The following TATDN3 variants were observed in gnomAD, a reference collection of about 807,000 sequenced individuals.
TATDN3 encodes the protein TatD DNase domain containing 3.
In TATDN3, 29 loss-of-function variants were observed where a neutral mutation model predicts 40.1. The ratio of observed to expected loss-of-function variants is 0.72; its 90% CI spans 0.54 to 0.99. The LOEUF (loss-of-function observed/expected upper bound fraction) is 0.99. Among genes scored for constraint, TATDN3 ranks in the 50% least tolerant of loss-of-function variants. The probability of loss-of-function intolerance (pLI) is 0.00; values close to 1 mark genes in which losing one functional copy is unlikely to be tolerated. For synonymous variants in TATDN3, 105 were observed against 117.0 expected (o/e 0.90, Z 0.66); for missense variants, 309 against 321.9 (o/e 0.96, Z 0.31).
intron 8 of TATDN3, among the ~76,000 whole-genome samples, chr1:212,809,345 AC>A (rs1330730259): frequency 6.6e-6 from 1 of 152,216 alleles, no homozygotes. Flanking sequence ...TGGATTGTGT[AC>A]TTTTAAAGAG....
In TATDN3 at chr1:212,807,224, C is replaced by T. The variant is rs1012005073; in HGVS notation, c.488-512C>T. Among the ~76,000 whole-genome samples the T allele has an allele frequency of 5.9e-5, 9 of 151,790 alleles. No individual in the cohort carries two copies. The South Asian group carries it at 1.0e-3, about 18-fold the overall frequency. ...CCTCCCAAAGTGCTGGGATTACAGACGTGAGCCACTGCGCCCGGACTATAT... is the reference window on the plus strand; with the variant it reads ...CCTCCCAAAGTGCTGGGATTACAGATGTGAGCCACTGCGCCCGGACTATAT... On this transcript the variant is annotated intron_variant, in intron 7 of 9. Coordinates refer to ENST00000366974, the MANE Select transcript of TATDN3 (RefSeq NM_001042552.3).
At chr1:212,811,682 T>C (rs1405533827) in intron 8 of TATDN3, among the ~76,000 whole-genome samples, 1 of 151,212 alleles carries the variant, frequency 6.6e-6, no homozygotes, top group Non-Finnish European at 1.5e-5. Flanking sequence ...AATTTTTGTA[T>C]TTGTATTTTT....
chr1:212,811,575 T>C (rs1662878649), intron 8 of TATDN3, among the ~76,000 whole-genome samples: 1 of 151,930 alleles, frequency 6.6e-6, no homozygotes, highest in Admixed American at 6.6e-5. Flanking sequence ...ATCAGTTGAA[T>C]AGTAAAAAAT....
chr1:212,796,607 A>G lies in TATDN3; in HGVS notation c.173+17A>G. The G allele has an allele frequency of 6.5e-7, 1 of 1,531,310 alleles. No homozygotes were observed. The highest frequency in any genetic ancestry group is 8.8e-7 in the Non-Finnish European group (1 of 1,135,658). The allele number at this position is 1,531,310 out of a possible 1,614,324, so 94.9% of individuals were successfully genotyped here. On this transcript the variant is annotated intron_variant, in intron 3 of 9. Transcript: ENST00000366974. ...TTCAGAAAGGTGCTACTTTTAATTA[A>G]GATTTTAAAGGGTTGCTAATAAGAA...
intron 7 of TATDN3, among the ~76,000 whole-genome samples, chr1:212,806,837 C>CATATATACACAGATATACAT (rs1662547894): frequency 1.9e-5 from 1 of 51,370 alleles, no homozygotes; most frequent in Non-Finnish European, 4.1e-5. Context: ...CATATATATA[C>CATATATACACAGATATACAT]ATATATACAC....
chr1:212,803,741 G>GA (rs35533640), intron 5 of TATDN3, among the ~76,000 whole-genome samples: 1,950 of 132,872 alleles, frequency 0.015, 21 homozygotes, highest in Non-Finnish European at 0.022. Flanking sequence ...GTACCAAAAA[G>GA]AAAAAAAAAA....
At position 212,806,827 on chromosome 1, in the gene TATDN3, CATATATAT is replaced by C. The variant is rs1388610658; in HGVS notation, c.488-907_488-900del. On this transcript the variant is annotated intron_variant, in intron 7 of 9. Coordinates refer to ENST00000366974, the MANE Select transcript of TATDN3 (RefSeq NM_001042552.3). ...ATATACACATATATACACATATATA[CATATATAT>C]ACATATATACACATATATACATATG... is the stretch of plus-strand genomic sequence containing the variant. Among the ~76,000 whole-genome samples the C allele has an allele frequency of 2.3e-4, 17 of 74,158 alleles. 2 individuals carry two copies. Among genetic ancestry groups the C allele is most frequent in the East Asian group, 1.9e-3 (5 of 2,616 alleles). The allele number at this position is 74,158 out of a possible 152,430, so 48.7% of individuals were successfully genotyped here.
intron 8 of TATDN3, among the ~76,000 whole-genome samples, chr1:212,809,744 C>G (rs112942846): frequency 3.0e-4 from 46 of 150,974 alleles, no homozygotes; most frequent in African/African-American, 1.1e-3. Flanking sequence ...TTAAATTGGG[C>G]TAGGCACTGT....
Position 212,812,300 on chromosome 1 carries a change from A to AT in TATDN3, c.655dup (p.Ser219PhefsTer13). 1 of 1,576,728 alleles carries AT rather than the reference A, an allele frequency of 6.3e-7. No individual in the cohort carries two copies. Among genetic ancestry groups the AT allele is most frequent in the Non-Finnish European group, 8.6e-7 (1 of 1,163,652 alleles). ...TTAACTTCTATATGCTTAGAAACAG[A>AT]TTCACCTGCACTAGGACCAGAAAAA... On this transcript the variant is annotated frameshift_variant, in exon 9 of 10. Coordinates refer to ENST00000366974, the MANE Select transcript of TATDN3 (RefSeq NM_001042552.3). LOFTEE classifies it high-confidence loss of function.
chr1:212,796,531 C>G lies in TATDN3; in HGVS notation c.114C>G (p.Ala38=), dbSNP rs751411204. Residue 38 remains alanine (A), a synonymous_variant, in exon 3 of 10, where the codon GCC becomes GCG. Coordinates refer to ENST00000366974, the MANE Select transcript of TATDN3 (RefSeq NM_001042552.3). ...TTTTTTTTCAGGCCAATGTTGTGGC[C>G]CTTGTGGCAGTTGCCGAACATTCAG... ...LEKAKKANVV[A]LVAVAEHSGE... 1 of 1,551,366 alleles carries G rather than the reference C, an allele frequency of 6.4e-7. No homozygotes were observed. The highest frequency in any genetic ancestry group is 8.7e-7 in the Non-Finnish European group (1 of 1,153,020).
At position 212,815,479 on chromosome 1, in the gene TATDN3, GGAAGA is replaced by G. The variant is rs2102493634; in HGVS notation, c.*325_*329del. On this transcript the variant is annotated 3_prime_UTR_variant, in exon 10 of 10. Transcript: ENST00000366974. ...GCTACTGGGAAGGGTGGCTCCCACA[GGAAGA>G]GTATAAGCACTACTGTGATGAGGAT... 4.4e-6 allele frequency: 1 copy of G among 229,338 alleles called. No homozygotes were observed. The highest frequency in any genetic ancestry group is 7.0e-5 in the South Asian group (1 of 14,268). 14.2% of individuals were successfully genotyped at this position (229,338 alleles called of 1,614,324 possible). A position where few individuals can be genotyped will look rare whatever the true frequency, so the allele number is the denominator to read the frequency against.
chr1:212,804,424 G>T lies in TATDN3; in HGVS notation c.426G>T (p.Leu142Phe). The T allele has an allele frequency of 6.2e-7, 1 of 1,612,186 alleles. No homozygotes were observed. The highest frequency in any genetic ancestry group is 1.1e-5 in the South Asian group (1 of 90,984). Reference sequence around the variant, plus strand: ...TCCAGTTAGCCAAAAGACTAAATTTGCCTGTGTAGGTTAATTATTTTCCTA... The same window carrying T: ...TCCAGTTAGCCAAAAGACTAAATTTTCCTGTGTAGGTTAATTATTTTCCTA... The part of the protein sequence containing the change: ...RQIQLAKRLN[L>F]PVNVHSRSAG... Residue 142 changes from leucine to phenylalanine, a missense_variant, in exon 6 of 10, where the codon TTG becomes TTT. Transcript: ENST00000366974.
chr1:212,802,400 T>C (rs935921749), intron 4 of TATDN3, among the ~76,000 whole-genome samples: 1 of 152,230 alleles, frequency 6.6e-6, no homozygotes, highest in African/African-American at 2.4e-5. Flanking sequence ...GATTTCAGAA[T>C]GTCCAAATGC....
rs543161389 is a variant in TATDN3 at position 212,798,336 on chromosome 1, T to A, written c.258+1140T>A. Among the ~76,000 whole-genome samples, 311 of 149,878 alleles carry A rather than the reference T, an allele frequency of 2.1e-3. 1 individual carries two copies. Among genetic ancestry groups the A allele is most frequent in the African/African-American group, 5.1e-3 (208 of 40,912 alleles). ...GTGAGACTCCATCTCAAAAAAAAAA[T>A]AATAATAATAATGTATCTCTCTTCC... On this transcript the variant is annotated intron_variant, in intron 4 of 9. Transcript: ENST00000366974.
chr1:212,806,751 T>TCC (rs1359485909), intron 7 of TATDN3, among the ~76,000 whole-genome samples: 11 of 54,364 alleles, frequency 2.0e-4, no homozygotes, highest in South Asian at 6.7e-4. Flanking sequence ...TCTCTCCATA[T>TCC]ATATATATAT....
intron 7 of TATDN3, 67 bp from the exon 8 acceptor site, chr1:212,807,669 C>A: frequency 7.9e-7 from 1 of 1,260,724 alleles, no homozygotes; most frequent in Non-Finnish European, 1.1e-6. Flanking sequence ...AAATTTCAGA[C>A]TTCTGTTATT....
intron 8 of TATDN3, among the ~76,000 whole-genome samples, chr1:212,808,322 A>AAC (rs1558085246): frequency 6.6e-6 from 1 of 151,794 alleles, no homozygotes. Context: ...CAAAAAAAAA[A>AAC]AAAAAACTAA....
chr1:212,807,249 T>A (rs903508968), intron 7 of TATDN3, among the ~76,000 whole-genome samples: 1 of 151,454 alleles, frequency 6.6e-6, no homozygotes, highest in African/African-American at 2.4e-5. Context: ...CCGGACTATA[T>A]GTTTTTATTA....
Position 212,804,355 on chromosome 1 carries a change from T to G in TATDN3, c.357T>G (p.Thr119=), listed in dbSNP as rs1215885786. 1 of 1,614,100 alleles carries G rather than the reference T, an allele frequency of 6.2e-7. No individual in the cohort carries two copies. The highest frequency in any genetic ancestry group is 8.5e-7 in the Non-Finnish European group (1 of 1,179,996). The part of the protein sequence containing the change: ...GLDFSPRFAG[T]GEQKEEQRQV... ...ATTTCTCCCCCAGATTTGCTGGCAC[T>G]GGTGAACAGAAGGAAGAGCAAAGAC... is the stretch of plus-strand genomic sequence containing the variant. Residue 119 remains threonine (T), a synonymous_variant, in exon 6 of 10, where the codon ACT becomes ACG. Coordinates refer to ENST00000366974, the MANE Select transcript of TATDN3 (RefSeq NM_001042552.3).
Sources: allele counts gnomAD v4.1 joint callset (sites outside exome capture counted in the v4.1 genomes callset), GRCh38; gene constraint gnomAD v4.1.1; transcripts MANE v1.5; gene names NCBI Gene and HGNC (gene_info 2026-07-23, HGNC 2026-07-21).